SLC4A1: variants seen among roughly 807,000 people sequenced by gnomAD.
The protein encoded by SLC4A1 is solute carrier family 4 member 1 (Diego blood group).
SLC4A1 carries 29 observed loss-of-function variants against 93.1 expected under a neutral mutation model. The ratio of observed to expected loss-of-function variants is 0.31; its 90% CI spans 0.23 to 0.42. SLC4A1 has a LOEUF of 0.42. SLC4A1 is among the 20% of genes least tolerant of loss of function. SLC4A1 has a pLI of 1.00. For synonymous variants in SLC4A1, 469 were observed against 497.2 expected, an observed-to-expected ratio of 0.94 and a Z score of 0.76; for missense variants, 965 against 1,190.1, an observed-to-expected ratio of 0.81 and a Z score of 2.78.
At chr17:44,264,483 C>A (rs1391311383) in intron 1 of SLC4A1, among the ~76,000 whole-genome samples, 1 of 152,104 alleles carries the variant, frequency 6.6e-6, no homozygotes, top group Non-Finnish European at 1.5e-5. Flanking sequence ...AACAAAAAAA[C>A]CAATACGTGG....
rs2047337144 is a variant in SLC4A1, at chr17:44,251,304, G to A, written c.2510C>T (p.Thr837Met). The A allele has an allele frequency of 6.2e-7, 1 of 1,614,228 alleles. No homozygotes were observed. The highest frequency in any genetic ancestry group is 8.5e-7 in the Non-Finnish European group (1 of 1,180,044). The change falls in exon 19 of 20, where the codon ACG becomes ATG. Residue 837 changes from threonine to methionine, a missense_variant. By Grantham distance (81) the Thr-to-Met change is moderately conservative. This residue lies in a region of SLC4A1 where 770 missense variants were observed against 1,006.6 expected (regional missense o/e 0.76). Coordinates refer to ENST00000262418, the MANE Select transcript of SLC4A1 (RefSeq NM_000342.4). Reference protein sequence around the residue: ...RVKTWRMHLFTGIQIICLAVL... With the variant: ...RVKTWRMHLFMGIQIICLAVL... ...TGCCAGGCAGATGATCTGGATGCCC[G>A]TGAATAAGTGCATGCGCCAGGTCTT...
At chr17:44,252,274 A>G (rs961872253) in intron 17 of SLC4A1, among the ~76,000 whole-genome samples, 1 of 151,672 alleles carries the variant, frequency 6.6e-6, no homozygotes, top group Non-Finnish European at 1.5e-5. Flanking sequence ...AGGGTGACCC[A>G]CCTGCCTCAG....
Position 44,261,653 on chromosome 17 carries a change from G to A in SLC4A1, c.107-17C>T, listed in dbSNP as rs775396228. 1.2e-5 allele frequency: 20 copies of A among 1,613,980 alleles called. No homozygotes were observed. Among genetic ancestry groups the A allele is most frequent in the East Asian group, 4.5e-5 (2 of 44,880 alleles). The stretch of plus-strand genomic sequence containing the variant: ...TGTCGTGAGCTGAAAACCAGAGGTC[G>A]GTTAGTATTGACCTGACCGTCCCCC... On this transcript the variant is annotated splice_polypyrimidine_tract_variant and intron_variant, in intron 3 of 19. Coordinates refer to ENST00000262418, the MANE Select transcript of SLC4A1 (RefSeq NM_000342.4).
intron 4 of SLC4A1, among the ~76,000 whole-genome samples, chr17:44,261,353 C>G (rs2047442566): frequency 6.6e-6 from 1 of 152,210 alleles, no homozygotes; most frequent in African/African-American, 2.4e-5. Flanking sequence ...CAGCCCTTGT[C>G]AATCAGGTTA....
intron 16 of SLC4A1, 129 bp from the exon 17 acceptor site, chr17:44,253,500 T>G (rs1269659755): frequency 4.2e-6 from 5 of 1,177,454 alleles, no homozygotes; most frequent in Non-Finnish European, 5.8e-6. Context: ...TTGAGTTCCT[T>G]GCTCCCCTCC....
chr17:44,259,772 CACCCTG>C (rs773940362), intron 7 of SLC4A1, 31 bp downstream of exon 7: 9 of 1,613,600 alleles, frequency 5.6e-6, no homozygotes, highest in Admixed American at 1.7e-5. Flanking sequence ...CTCCTTGCCC[CACCCTG>C]ACCCTGACCC....
Position 44,261,567 on chromosome 17 carries a change from G to T in SLC4A1, c.168+8C>A. ...ATGGGAAAGAACGGAGGAGGCTGGGGTCCTCACCTTGTGGGTACCCGGGTG... is the reference window on the plus strand; with the variant it reads ...ATGGGAAAGAACGGAGGAGGCTGGGTTCCTCACCTTGTGGGTACCCGGGTG... On this transcript the variant is annotated splice_region_variant and intron_variant, in intron 4 of 19. Coordinates refer to ENST00000262418, the MANE Select transcript of SLC4A1 (RefSeq NM_000342.4). The T allele has an allele frequency of 6.2e-7, 1 of 1,614,208 alleles. No homozygotes were observed. Among genetic ancestry groups the T allele is most frequent in the Non-Finnish European group, 8.5e-7 (1 of 1,180,018 alleles).
intron 3 of SLC4A1, 40 bp downstream of exon 3, chr17:44,262,596 T>G: frequency 6.7e-7 from 1 of 1,494,428 alleles, no homozygotes. Context: ...TGTCTAGGGC[T>G]CAGCAGCTCA....
rs572736552 is a variant in SLC4A1 at position 44,249,518 on chromosome 17, GC to G, written c.*939del. ...CCAAATGTAGAATCAACTGTACCTTGCCCCCCACCCCCACCCCAGGGCAGGG... is the reference window on the plus strand; with the variant it reads ...CCAAATGTAGAATCAACTGTACCTTGCCCCCACCCCCACCCCAGGGCAGGG... On this transcript the variant is annotated 3_prime_UTR_variant, in exon 20 of 20. Transcript: ENST00000262418. The G allele has an allele frequency of 6.7e-3, 827 of 123,830 alleles. 10 individuals are homozygous for G. Among genetic ancestry groups the G allele is most frequent in the African/African-American group, 0.047 (789 of 16,684 alleles). The allele number at this position is 123,830 out of a possible 1,614,324, so 7.7% of individuals were successfully genotyped here. A position where few individuals can be genotyped will look rare whatever the true frequency, so the allele number is the denominator to read the frequency against.
Position 44,258,760 on chromosome 17 carries a change from C to T in SLC4A1, c.877-137G>A, listed in dbSNP as rs563070060. ...TGCCAGGAACTGCTTTTCCTGCCCGCTCCCACCCCTACTCTCCCCACTAAG... is the reference window on the plus strand; with the variant it reads ...TGCCAGGAACTGCTTTTCCTGCCCGTTCCCACCCCTACTCTCCCCACTAAG... On this transcript the variant is annotated intron_variant, in intron 9 of 19. Coordinates refer to ENST00000262418, the MANE Select transcript of SLC4A1 (RefSeq NM_000342.4). This position sits in a 1 kb window ranked among gnomAD's most constrained non-coding sequence, Gnocchi z 6.1. 9.8e-6 allele frequency: 8 copies of T among 815,842 alleles called. No individual in the cohort carries two copies. The highest frequency in any genetic ancestry group is 4.2e-5 in the Admixed American group (2 of 48,192). The allele number at this position is 815,842 out of a possible 1,614,324, so 50.5% of individuals were successfully genotyped here.
rs2047319108 is a variant in SLC4A1 at position 44,249,259 on chromosome 17, AT to A, written c.*1198del. The A allele has an allele frequency of 2.2e-6, 1 of 446,424 alleles. No individual in the cohort carries two copies. The highest frequency in any genetic ancestry group is 1.6e-5 in the South Asian group (1 of 62,788). 27.7% of individuals were successfully genotyped at this position (446,424 alleles called of 1,614,324 possible). On this transcript the variant is annotated 3_prime_UTR_variant, in exon 20 of 20. Coordinates refer to ENST00000262418, the MANE Select transcript of SLC4A1 (RefSeq NM_000342.4). ...TTTTATCTTTTTGTTTTATAAAAAA[AT>A]AAATTTGCCCATGTTCTTGGAGAGC...
intron 15 of SLC4A1, among the ~76,000 whole-genome samples, 164 bp downstream of exon 15, chr17:44,255,043 G>T (rs2047376207): frequency 6.6e-6 from 1 of 152,136 alleles, no homozygotes; most frequent in South Asian, 2.1e-4. Context: ...GGTCCTCTGG[G>T]GCTGTGAGAA....
rs773807934 is a variant in SLC4A1, at chr17:44,260,493, G to C, written c.396C>G (p.Ala132=). 3.7e-6 allele frequency: 6 copies of C among 1,614,196 alleles called. No homozygotes were observed. The South Asian group carries it at 6.6e-5, about 18-fold the overall frequency. ...DLQETSLAGV[A]NQLLDRFIFE... ...AGATAAACCTGTCTAGCAGTTGGTT[G>C]GCCACTCCAGCCAGGGAGGTCTCTT... The change falls in exon 6 of 20, where the codon GCC becomes GCG. Residue 132 remains alanine (A), a synonymous_variant. Coordinates refer to ENST00000262418, the MANE Select transcript of SLC4A1 (RefSeq NM_000342.4).
At chr17:44,255,549 T>C (rs1598298321) in intron 14 of SLC4A1, 124 bp downstream of exon 14, 3 of 1,065,066 alleles carry the variant, frequency 2.8e-6, no homozygotes, top group Admixed American at 3.7e-5. Context: ...CCAGGGGAGG[T>C]TGGAATTGGG....
intron 4 of SLC4A1, 137 bp from the exon 5 acceptor site, chr17:44,260,952 A>C: frequency 2.1e-6 from 2 of 973,290 alleles, no homozygotes; most frequent in Admixed American, 4.0e-5. Context: ...GGCTCACACC[A>C]CTCCCTTATC....
intron 1 of SLC4A1, among the ~76,000 whole-genome samples, chr17:44,265,065 T>G (rs1598304768): frequency 2.7e-5 from 1 of 36,610 alleles, no homozygotes; most frequent in South Asian, 1.3e-3. Flanking sequence ...CACTGGGGGC[T>G]GTGGGGAGGG....
At position 44,260,480 on chromosome 17, in the gene SLC4A1, C is replaced by T. The variant is rs2047433269; in HGVS notation, c.409G>A (p.Asp137Asn). 6.2e-7 allele frequency: 1 copy of T among 1,614,060 alleles called. No homozygotes were observed. The highest frequency in any genetic ancestry group is 1.3e-5 in the African/African-American group (1 of 74,938). ...ATCTGGTCTTCAAAGATAAACCTGTCTAGCAGTTGGTTGGCCACTCCAGCC... is the reference window on the plus strand; with the variant it reads ...ATCTGGTCTTCAAAGATAAACCTGTTTAGCAGTTGGTTGGCCACTCCAGCC... ...SLAGVANQLL[D>N]RFIFEDQIRP... Residue 137 changes from aspartate to asparagine, a missense_variant, in exon 6 of 20, where the codon GAC becomes AAC. By Grantham distance (23) the Asp-to-Asn change is conservative. Around this residue, in one of 2 missense-constraint regions of SLC4A1, gnomAD observed 195 missense variants for 183.5 expected, o/e 1.06. Coordinates refer to ENST00000262418, the MANE Select transcript of SLC4A1 (RefSeq NM_000342.4).
At chr17:44,252,813 C>T (rs1406346894) in intron 17 of SLC4A1, among the ~76,000 whole-genome samples, 1 of 152,182 alleles carries the variant, frequency 6.6e-6, no homozygotes, top group Non-Finnish European at 1.5e-5. Flanking sequence ...ACTGGGTTAG[C>T]AGCAGGGCAG....
intron 3 of SLC4A1, 89 bp downstream of exon 3, chr17:44,262,547 C>T (rs1303221407): frequency 1.1e-6 from 1 of 937,902 alleles, no homozygotes; most frequent in Non-Finnish European, 1.7e-6. Context: ...GGGAGGAGGA[C>T]TGTGGAGAAG....
Sources: allele counts gnomAD v4.1 joint callset (sites outside exome capture counted in the v4.1 genomes callset), GRCh38; gene constraint gnomAD v4.1.1; regional missense constraint gnomAD v4.1.1; non-coding constraint Gnocchi (gnomAD v3.1); transcripts MANE v1.5; gene names NCBI Gene and HGNC (gene_info 2026-07-23, HGNC 2026-07-21).